RPS6KC1: variants seen among roughly 807,000 people sequenced by gnomAD.
RPS6KC1 encodes ribosomal protein S6 kinase C1.
In RPS6KC1, 54 loss-of-function variants were observed where a neutral mutation model predicts 103.8. The observed-to-expected ratio is 0.52, with a 90% CI of 0.42 to 0.65. RPS6KC1 has a LOEUF of 0.65. Ranked by LOEUF, RPS6KC1 falls within the 30% of genes least tolerant of loss-of-function variation. The pLI is 0.00. For missense variants in RPS6KC1, 1,151 were observed against 1,253.8 expected (o/e 0.92, Z 1.24); for synonymous variants, 439 against 438.7 (o/e 1.00, Z -0.01).
At chr1:213,255,660 A>T (rs1186609445) in intron 12 of RPS6KC1, among the ~76,000 whole-genome samples, 2 of 152,210 alleles carry the variant, frequency 1.3e-5, no homozygotes, top group Non-Finnish European at 2.9e-5. Flanking sequence ...GTATCTTAAA[A>T]TTTTTAATCT....
intron 7 of RPS6KC1, among the ~76,000 whole-genome samples, chr1:213,169,299 ATGTTAAG>A (rs2091271844): frequency 6.6e-6 from 1 of 152,202 alleles, no homozygotes; most frequent in South Asian, 2.1e-4. Context: ...AGAATTTCTG[ATGTTAAG>A]TGTTTGACCA....
chr1:213,397,588 TACACACACACACACAC>T, the RPS6KC1 span, among the ~76,000 whole-genome samples: 1 of 140,376 alleles, frequency 7.1e-6, no homozygotes, highest in East Asian at 2.1e-4. Flanking sequence ...CAGGAACACA[TACACACACACACACAC>T]ACACACACAC....
intron 3 of RPS6KC1, among the ~76,000 whole-genome samples, chr1:213,085,663 G>A (rs757764431): frequency 6.6e-6 from 1 of 151,872 alleles, no homozygotes; most frequent in African/African-American, 2.4e-5. Flanking sequence ...CCCTTTATCT[G>A]TGTCTCTTTG....
Position 213,240,797 on chromosome 1 carries a change from G to A in RPS6KC1, c.1321G>A (p.Val441Ile), listed in dbSNP as rs370571049. The A allele has an allele frequency of 1.2e-6, 2 of 1,613,794 alleles. No individual in the cohort carries two copies. The highest frequency in any genetic ancestry group is 1.7e-6 in the Non-Finnish European group (2 of 1,179,892). The change falls in exon 11 of 15, where the codon GTT becomes ATT. Residue 441 changes from valine to isoleucine, a missense_variant. Coordinates refer to ENST00000366960, the MANE Select transcript of RPS6KC1 (RefSeq NM_012424.6). ...AGTGAAAAAACCTACACTTGCAAAA[G>A]TTCACCTGCAGCAGCCAACTTCTAG... ...KEVKKPTLAK[V>I]HLQQPTSSPQ...
the RPS6KC1 span, among the ~76,000 whole-genome samples, chr1:213,323,427 T>G: frequency 4.6e-5 from 7 of 152,204 alleles, no homozygotes; most frequent in Non-Finnish European, 8.8e-5. Context: ...ATCCTGGTGA[T>G]GTATCCAGCT....
At chr1:213,197,661 T>A (rs895760570) in intron 8 of RPS6KC1, among the ~76,000 whole-genome samples, 1 of 152,200 alleles carries the variant, frequency 6.6e-6, no homozygotes, top group African/African-American at 2.4e-5. Flanking sequence ...TGATTTTATA[T>A]CCTGAAACTT....
chr1:213,119,707 CA>C (rs914327361), intron 5 of RPS6KC1, among the ~76,000 whole-genome samples: 2 of 151,764 alleles, frequency 1.3e-5, no homozygotes, highest in African/African-American at 4.8e-5. Context: ...ATCATGGATG[CA>C]AGCTCTGCAG....
At chr1:213,528,898 T>C in the RPS6KC1 span, among the ~76,000 whole-genome samples, 1 of 152,198 alleles carries the variant, frequency 6.6e-6, no homozygotes, top group Non-Finnish European at 1.5e-5. Context: ...AGAAGTCTTC[T>C]GGAAAATAAC....
At chr1:213,476,193 T>C in the RPS6KC1 span, among the ~76,000 whole-genome samples, 1 of 152,138 alleles carries the variant, frequency 6.6e-6, no homozygotes, top group Admixed American at 6.5e-5. Flanking sequence ...CCTTGGAGGA[T>C]TGAAAAGACC....
chr1:213,550,753 A>G, the RPS6KC1 span, among the ~76,000 whole-genome samples: 3 of 152,314 alleles, frequency 2.0e-5, no homozygotes, highest in South Asian at 2.1e-4. Context: ...GATGGTAACC[A>G]TCTCTGCTCT....
chr1:213,109,561 T>G (rs1266254629), intron 4 of RPS6KC1, among the ~76,000 whole-genome samples: 2 of 152,248 alleles, frequency 1.3e-5, no homozygotes, highest in Admixed American at 6.5e-5. Flanking sequence ...AAACTGTTTT[T>G]TTTTCCATGT....
the RPS6KC1 span, among the ~76,000 whole-genome samples, chr1:213,367,758 G>A: frequency 6.6e-6 from 1 of 152,148 alleles, no homozygotes; most frequent in Non-Finnish European, 1.5e-5. Flanking sequence ...GACTAGTAGG[G>A]CTCTAAATGA....
chr1:213,493,513 AAGAC>A, the RPS6KC1 span, among the ~76,000 whole-genome samples: 1 of 152,242 alleles, frequency 6.6e-6, no homozygotes, highest in Non-Finnish European at 1.5e-5. Context: ...TGCACAGAAA[AAGAC>A]AGACATTGTC....
chr1:213,457,032 C>T, the RPS6KC1 span, among the ~76,000 whole-genome samples: 1 of 152,124 alleles, frequency 6.6e-6, no homozygotes, highest in East Asian at 1.9e-4. Context: ...GAAGGACTTC[C>T]TGACACAGAA....
the RPS6KC1 span, among the ~76,000 whole-genome samples, chr1:213,290,636 T>C: frequency 2.6e-5 from 4 of 152,190 alleles, no homozygotes; most frequent in African/African-American, 9.7e-5. Context: ...GTTTTTTAGA[T>C]TTTTGTTTGT....
chr1:213,223,784 A>G (rs1322772868), intron 8 of RPS6KC1, among the ~76,000 whole-genome samples: 1 of 152,148 alleles, frequency 6.6e-6, no homozygotes, highest in East Asian at 1.9e-4. Context: ...AGGAATCTCC[A>G]TATTGTTTTC....
the RPS6KC1 span, among the ~76,000 whole-genome samples, chr1:213,435,906 T>C: frequency 6.6e-6 from 1 of 152,082 alleles, no homozygotes; most frequent in Non-Finnish European, 1.5e-5. Flanking sequence ...CCTTGGAGTC[T>C]GAATTCCATC....
the RPS6KC1 span, among the ~76,000 whole-genome samples, chr1:213,716,489 G>C: frequency 0.01 from 1,537 of 152,242 alleles, 32 homozygotes; most frequent in East Asian, 0.081. Flanking sequence ...GGCCTCCTGT[G>C]AATAAAGTAT....
intron 6 of RPS6KC1, among the ~76,000 whole-genome samples, chr1:213,134,730 AATAG>A (rs71929442): frequency 1.3e-5 from 2 of 152,174 alleles, no homozygotes; most frequent in African/African-American, 2.4e-5. Context: ...TGGCTTTGGA[AATAG>A]ATAGATAATA....
Sources: gnomAD v4.1 joint callset for allele counts (sites outside exome capture counted in the v4.1 genomes callset) on GRCh38, gnomAD v4.1.1 for gene constraint, MANE v1.5 for transcripts, NCBI Gene and HGNC (gene_info 2026-07-23, HGNC 2026-07-21) for gene names.